Variants in APOBEC2 observed in about 807,000 individuals in gnomAD.
APOBEC2 encodes C->U-editing enzyme APOBEC-2.
In APOBEC2, 14 loss-of-function variants were observed where a neutral mutation model predicts 19.4. The ratio of observed to expected loss-of-function variants is 0.72; its 90% CI spans 0.48 to 1.13. The LOEUF is 1.13. Ranked by LOEUF, APOBEC2 falls within the 50% of genes most tolerant of loss-of-function variation. The probability of loss-of-function intolerance (pLI) is 0.00; values close to 1 mark genes in which losing one functional copy is unlikely to be tolerated. For missense variants in APOBEC2, 304 were observed against 277.0 expected (o/e 1.10, Z -0.69); for synonymous variants, 127 against 112.1 (o/e 1.13, Z -0.84).
At chr6:41,055,042 A>G (rs765059139) in intron 1 of APOBEC2, among the ~76,000 whole-genome samples, 14 of 152,234 alleles carry the variant, frequency 9.2e-5, no homozygotes, top group Admixed American at 2.6e-4. Context: ...TTTCATGAAC[A>G]TGAGACCATT....
chr6:41,055,713 T>C (rs1220081613), intron 1 of APOBEC2, among the ~76,000 whole-genome samples: 1 of 152,174 alleles, frequency 6.6e-6, no homozygotes, highest in Non-Finnish European at 1.5e-5. Context: ...TCTGGTTGAA[T>C]AGGGCATTCA....
rs773620787 is a variant in APOBEC2 at position 41,061,444 on chromosome 6, T to G, written c.248T>G (p.Val83Gly). 6.2e-7 allele frequency: 1 copy of G among 1,613,436 alleles called. No homozygotes were observed. Among genetic ancestry groups the G allele is most frequent in the Admixed American group, 1.7e-5 (1 of 59,940 alleles). ...VVEAQGKGGQVQASRGYLEDE... is the reference protein window; with the variant it reads ...VVEAQGKGGQGQASRGYLEDE... ...GAAGCACAGGGCAAGGGGGGCCAAG[T>G]GCAGGCATCTCGGGGATACCTAGAG... is the stretch of plus-strand genomic sequence containing the variant. Residue 83 changes from valine to glycine, a missense_variant, in exon 2 of 3, where the codon GTG becomes GGG. Physicochemically the swap from Val to Gly is moderately radical, Grantham distance 109. Transcript: ENST00000244669.
At chr6:41,063,013 T>TA (rs1762895882) in intron 2 of APOBEC2, among the ~76,000 whole-genome samples, 1 of 152,190 alleles carries the variant, frequency 6.6e-6, no homozygotes, top group Non-Finnish European at 1.5e-5. Context: ...CAAGCTTCCA[T>TA]GAAGATAATT....
intron 1 of APOBEC2, among the ~76,000 whole-genome samples, chr6:41,059,446 G>C (rs974272000): frequency 3.3e-5 from 5 of 152,196 alleles, no homozygotes; most frequent in African/African-American, 1.2e-4. Context: ...GAGTGGTCTG[G>C]TGGGGTGAGT....
intron 1 of APOBEC2, among the ~76,000 whole-genome samples, chr6:41,056,952 G>C (rs1347480502): frequency 6.6e-6 from 1 of 152,088 alleles, no homozygotes; most frequent in Non-Finnish European, 1.5e-5. Context: ...AGAGCTCTGG[G>C]GCACGAGAGC....
chr6:41,061,317 T>G lies in APOBEC2; in HGVS notation c.132-11T>G. ...CATTCTTTCCTGTCCTTTTGTCTCC[T>G]TGACCTACAGAGAACGGCTGCCTGC... On this transcript the variant is annotated splice_polypyrimidine_tract_variant and intron_variant, in intron 1 of 2. Transcript: ENST00000244669. The G allele has an allele frequency of 1.3e-6, 2 of 1,519,478 alleles. No individual in the cohort carries two copies. Among genetic ancestry groups the G allele is most frequent in the Non-Finnish European group, 1.8e-6 (2 of 1,134,738 alleles). The allele number at this position is 1,519,478 out of a possible 1,614,324, so 94.1% of individuals were successfully genotyped here.
chr6:41,057,855 TCTCC>T (rs1321305718), intron 1 of APOBEC2, among the ~76,000 whole-genome samples: 1 of 152,146 alleles, frequency 6.6e-6, no homozygotes, highest in African/African-American at 2.4e-5. Flanking sequence ...TCACATCCCT[TCTCC>T]CTCCATCAAG....
At position 41,061,670 on chromosome 6, in the gene APOBEC2, G is replaced by A. The variant is rs1040047097; in HGVS notation, c.474G>A (p.Glu158=). ...LILVGRLFMW[E]EPEIQAALKK... ...TGGTGGGTCGACTCTTCATGTGGGA[G>A]GAGCCGGAGATCCAGGCTGCTCTGA... Residue 158 remains glutamate, a synonymous_variant, in exon 2 of 3, where the codon GAG becomes GAA. Coordinates refer to ENST00000244669, the MANE Select transcript of APOBEC2 (RefSeq NM_006789.4). 2.5e-6 allele frequency: 4 copies of A among 1,614,260 alleles called. No individual in the cohort carries two copies. The highest frequency in any genetic ancestry group is 2.5e-6 in the Non-Finnish European group (3 of 1,180,054).
At chr6:41,055,367 G>A (rs1762781861) in intron 1 of APOBEC2, among the ~76,000 whole-genome samples, 1 of 152,140 alleles carries the variant, frequency 6.6e-6, no homozygotes, top group Non-Finnish European at 1.5e-5. Flanking sequence ...GTGTTTCCTG[G>A]CCACAAGTAA....
Position 41,063,799 on chromosome 6 carries a change from C to CTT in APOBEC2, c.*22-289_*22-288dup, listed in dbSNP as rs568383618. ...TATTTTACATACTTATTTCATCTTTCTTTTTTTTTTTTTTAATGACAAAAT... is the reference window on the plus strand; with the variant it reads ...TATTTTACATACTTATTTCATCTTTCTTTTTTTTTTTTTTTTAATGACAAAAT... On this transcript the variant is annotated intron_variant, in intron 2 of 2. Transcript: ENST00000244669. 1.8e-3 allele frequency among the ~76,000 whole-genome samples: 252 copies of CTT among 136,328 alleles called. 5 individuals carry two copies. Among genetic ancestry groups the CTT allele is most frequent in the African/African-American group, 5.7e-3 (212 of 37,496 alleles). The allele number at this position is 136,328 out of a possible 152,430, so 89.4% of individuals were successfully genotyped here. A position where few individuals can be genotyped will look rare whatever the true frequency, so the allele number is the denominator to read the frequency against.
In APOBEC2 at chr6:41,061,400, C is replaced by T. The variant is rs41273360; in HGVS notation, c.204C>T (p.Thr68=). 4.7e-4 allele frequency: 755 copies of T among 1,598,472 alleles called. 2 individuals are homozygous for T. In the African/African-American group the frequency reaches 7.0e-3, roughly 15 times the overall value. Residue 68 remains threonine (T), a synonymous_variant, in exon 2 of 3, where the codon ACC becomes ACT. Coordinates refer to ENST00000244669, the MANE Select transcript of APOBEC2 (RefSeq NM_006789.4). ...AGTACAGTTCCGGGAGGAACAAGACCTTCCTCTGCTATGTGGTTGAAGCAC... is the reference window on the plus strand; with the variant it reads ...AGTACAGTTCCGGGAGGAACAAGACTTTCCTCTGCTATGTGGTTGAAGCAC... ...NVEYSSGRNK[T]FLCYVVEAQG... is the part of the protein sequence containing the mutation.
At chr6:41,060,142 CCTT>C (rs1448661417) in intron 1 of APOBEC2, among the ~76,000 whole-genome samples, 19 of 152,020 alleles carry the variant, frequency 1.2e-4, no homozygotes, top group Admixed American at 1.2e-3. Flanking sequence ...TTTTTCTTCT[CCTT>C]GTTATTACCA....
intron 1 of APOBEC2, among the ~76,000 whole-genome samples, chr6:41,059,601 T>C (rs935009496): frequency 2.6e-5 from 4 of 152,164 alleles, no homozygotes; most frequent in Admixed American, 2.6e-4. Flanking sequence ...GAGAGCTAAG[T>C]ATAGTACCTG....
At chr6:41,062,183 AT>A (rs1581991572) in intron 2 of APOBEC2, among the ~76,000 whole-genome samples, 1 of 152,332 alleles carries the variant, frequency 6.6e-6, no homozygotes, top group East Asian at 1.9e-4. Context: ...CTTTGGTAAG[AT>A]TTAGATGGTG....
At chr6:41,055,351 C>A (rs544014330) in intron 1 of APOBEC2, among the ~76,000 whole-genome samples, 1 of 152,176 alleles carries the variant, frequency 6.6e-6, no homozygotes, top group Admixed American at 6.5e-5. Context: ...GGGAGCAGAG[C>A]GCTGAGTGTT....
rs151245055 is a variant in APOBEC2, at chr6:41,053,431, G to A, written c.84G>A (p.Glu28=). Residue 28 remains glutamate (E), a synonymous_variant, in exon 1 of 3, where the codon GAG becomes GAA. Transcript: ENST00000244669. ...GEDLENLDDP[E]KLKELIELPP... is the part of the protein sequence containing the mutation. Reference sequence around the variant, plus strand: ...ATCTGGAGAACCTGGACGACCCTGAGAAGCTGAAAGAGCTGATTGAGCTGC... The same window carrying A: ...ATCTGGAGAACCTGGACGACCCTGAAAAGCTGAAAGAGCTGATTGAGCTGC... The A allele has an allele frequency of 2.5e-6, 4 of 1,614,106 alleles. No individual in the cohort carries two copies. The African/African-American group carries it at 5.3e-5, about 22-fold the overall frequency.
chr6:41,060,342 GAC>G (rs1762855586), intron 1 of APOBEC2, among the ~76,000 whole-genome samples: 1 of 152,124 alleles, frequency 6.6e-6, no homozygotes, highest in Non-Finnish European at 1.5e-5. Context: ...ATCTTGCATG[GAC>G]ATCATTTTTA....
Position 41,061,516 on chromosome 6 carries a change from T to C in APOBEC2, c.320T>C (p.Ile107Thr). The C allele has an allele frequency of 6.2e-7, 1 of 1,614,072 alleles. No individual in the cohort carries two copies. Among genetic ancestry groups the C allele is most frequent in the Non-Finnish European group, 8.5e-7 (1 of 1,179,938 alleles). ...AHAEEAFFNT[I>T]LPAFDPALRY... ...GCAGAGGAAGCTTTCTTCAACACCA[T>C]CCTGCCAGCCTTCGACCCAGCCCTG... is the stretch of plus-strand genomic sequence containing the variant. The change falls in exon 2 of 3, where the codon ATC becomes ACC. Residue 107 changes from isoleucine to threonine, a missense_variant. Transcript: ENST00000244669.
rs142866037 is a variant in APOBEC2 at position 41,061,590 on chromosome 6, G to A, written c.394G>A (p.Ala132Thr). The part of the protein sequence containing the change: ...YVSSSPCAAC[A>T]DRIIKTLSKT... ...GTCCTCCAGCCCCTGTGCAGCGTGT[G>A]CTGACCGCATTATCAAAACCCTTAG... The change falls in exon 2 of 3, where the codon GCT becomes ACT. Residue 132 changes from alanine (A) to threonine (T), a missense_variant. By Grantham distance (58) the Ala-to-Thr change is moderately conservative. Transcript: ENST00000244669. 9.7e-5 allele frequency: 157 copies of A among 1,614,194 alleles called. No individual in the cohort carries two copies. The East Asian group carries it at 2.5e-3, about 26-fold the overall frequency.
Sources: gnomAD v4.1 joint callset for allele counts (sites outside exome capture counted in the v4.1 genomes callset) on GRCh38, gnomAD v4.1.1 for gene constraint, MANE v1.5 for transcripts, NCBI Gene and HGNC (gene_info 2026-07-23, HGNC 2026-07-21) for gene names.